CCDC180: variants seen among roughly 807,000 people sequenced by gnomAD.
The protein encoded by CCDC180 is coiled-coil domain-containing protein 180.
Under a neutral mutation model 209.2 loss-of-function variants are expected in CCDC180, and 154 were observed. That is an observed-to-expected ratio of 0.74 (90% CI 0.65 to 0.84). CCDC180 has a LOEUF of 0.84. Ranked by LOEUF, CCDC180 falls within the 40% of genes least tolerant of loss-of-function variation. The pLI, the probability that CCDC180 is intolerant of heterozygous loss-of-function variation, is 0.00. For synonymous variants in CCDC180, 778 were observed against 749.1 expected (o/e 1.04, Z -0.63); for missense variants, 1,874 against 1,997.3 (o/e 0.94, Z 1.18).
Position 97,339,745 on chromosome 9 carries a change from A to C in CCDC180, c.2275-3595A>C, listed in dbSNP as rs145046090. On this transcript the variant is annotated intron_variant, in intron 18 of 36. Transcript: ENST00000529487. ...GGAAGTTCTCCTGGATAATATCCTG[A>C]AGAGTGTTTTCCAGCTTGGTTCCAT... 2.6e-3 allele frequency among the ~76,000 whole-genome samples: 390 copies of C among 152,292 alleles called. 1 individual carries two copies. The highest frequency in any genetic ancestry group is 8.8e-3 in the African/African-American group (365 of 41,562).
At chr9:97,315,177 C>A (rs1833125428) in intron 8 of CCDC180, among the ~76,000 whole-genome samples, 1 of 152,114 alleles carries the variant, frequency 6.6e-6, no homozygotes, top group Non-Finnish European at 1.5e-5. Context: ...TTCATATTTC[C>A]CTGACATCTT....
intron 24 of CCDC180, among the ~76,000 whole-genome samples, chr9:97,357,163 C>T (rs1354115150): frequency 6.6e-6 from 1 of 152,236 alleles, no homozygotes; most frequent in Non-Finnish European, 1.5e-5. Context: ...AAGCCACAGT[C>T]CTGGGTCAGA....
In CCDC180 at chr9:97,360,021, T is replaced by C. The variant is rs1826704655; in HGVS notation, c.3403T>C (p.Trp1135Arg). Reference protein sequence around the residue: ...TEELLSFVQTWKEKLSQRIQY... With the variant: ...TEELLSFVQTRKEKLSQRIQY... ...AGAACTCCTCAGCTTCGTCCAAACTTGGAAGGAAAAACTGAGCCAGAGGAT... is the reference window on the plus strand; with the variant it reads ...AGAACTCCTCAGCTTCGTCCAAACTCGGAAGGAAAAACTGAGCCAGAGGAT... The change falls in exon 26 of 37, where the codon TGG becomes CGG. Residue 1135 changes from tryptophan to arginine, a missense_variant. Trp to Arg is a moderately radical substitution (Grantham distance 101). Transcript: ENST00000529487. The C allele has an allele frequency of 1.2e-6, 2 of 1,613,670 alleles. No homozygotes were observed. The highest frequency in any genetic ancestry group is 3.3e-5 in the Admixed American group (2 of 59,964).
In CCDC180 at chr9:97,312,152, T is replaced by C; in HGVS notation, c.300T>C (p.Ser100=). 1 of 1,613,818 alleles carries C rather than the reference T, an allele frequency of 6.2e-7. No homozygotes were observed. The highest frequency in any genetic ancestry group is 1.1e-5 in the South Asian group (1 of 91,044). The change falls in exon 4 of 37, where the codon AGT becomes AGC. Residue 100 remains serine, a synonymous_variant. Transcript: ENST00000529487. ...CCAAGAGGGAAAAAGCCCGAGAGAGTGAGAACACCATCGCTGCCCGAGAAG... is the reference window on the plus strand; with the variant it reads ...CCAAGAGGGAAAAAGCCCGAGAGAGCGAGAACACCATCGCTGCCCGAGAAG... ...ERAKREKARE[S]ENTIAAREVR...
chr9:97,375,650 A>G (rs1827233747), intron 36 of CCDC180, 61 bp downstream of exon 36: 1 of 1,605,214 alleles, frequency 6.2e-7, no homozygotes, highest in Non-Finnish European at 8.5e-7. Flanking sequence ...TGCCTTGGGA[A>G]GGGGGAGCTT....
At chr9:97,312,034 C>T in intron 3 of CCDC180, 79 bp from the exon 4 acceptor site, 1 of 1,227,502 alleles carries the variant, frequency 8.1e-7, no homozygotes. Context: ...GAGAACCACC[C>T]CTTGGTGCCC....
chr9:97,324,357 T>C (rs1480302909), intron 13 of CCDC180, among the ~76,000 whole-genome samples: 1 of 152,198 alleles, frequency 6.6e-6, no homozygotes, highest in Non-Finnish European at 1.5e-5. Flanking sequence ...CAGAAACAAA[T>C]GGCATGGCTG....
At chr9:97,333,199 C>T (rs1564157687) in intron 18 of CCDC180, among the ~76,000 whole-genome samples, 1 of 152,182 alleles carries the variant, frequency 6.6e-6, no homozygotes. Flanking sequence ...ACCAACCTTG[C>T]ATCCCAGGGA....
rs1826353430 is a variant in CCDC180, at chr9:97,349,152, G to C, written c.2716G>C (p.Ala906Pro). 4.6e-6 allele frequency: 7 copies of C among 1,536,282 alleles called. No homozygotes were observed. Among genetic ancestry groups the C allele is most frequent in the Non-Finnish European group, 6.1e-6 (7 of 1,146,948 alleles). Residue 906 changes from alanine to proline, a missense_variant, in exon 21 of 37, where the codon GCT (alanine) becomes CCT (proline). Coordinates refer to ENST00000529487, the MANE Select transcript of CCDC180 (RefSeq NM_020893.6). The stretch of plus-strand genomic sequence containing the variant: ...TCAAGAGCAGTTGGACAGCCACTGT[G>C]CTGGGGTGACCGAGACGCTGAAGAA... ...LHQEQLDSHC[A>P]GVTETLKKKR... is the part of the protein sequence containing the mutation.
At chr9:97,350,317 T>A in intron 21 of CCDC180, 92 bp from the exon 22 acceptor site, 1 of 1,270,674 alleles carries the variant, frequency 7.9e-7, no homozygotes, top group Non-Finnish European at 1.1e-6. Context: ...CCCTCCCTTG[T>A]CCCTCAGGCT....
chr9:97,323,593 C>T (rs1204196974), intron 12 of CCDC180, among the ~76,000 whole-genome samples, 188 bp from the exon 13 acceptor site: 2 of 152,190 alleles, frequency 1.3e-5, no homozygotes, highest in African/African-American at 4.8e-5. Flanking sequence ...CCGAGAGCTC[C>T]TGCATGCCTC....
Position 97,349,269 on chromosome 9 carries a change from T to C in CCDC180, c.2833T>C (p.Leu945=), listed in dbSNP as rs1826357899. The C allele has an allele frequency of 6.5e-7, 1 of 1,536,636 alleles. No homozygotes were observed. Among genetic ancestry groups the C allele is most frequent in the Non-Finnish European group, 8.7e-7 (1 of 1,147,002 alleles). Residue 945 remains leucine (L), a synonymous_variant, in exon 21 of 37, where the codon TTG becomes CTG. Transcript: ENST00000529487. Reference sequence around the variant, plus strand: ...GATCTATGACATGGAGCACATCTTCTTGAATGCCACCAGGAGCCAAAAGTA... The same window carrying C: ...GATCTATGACATGGAGCACATCTTCCTGAATGCCACCAGGAGCCAAAAGTA... The part of the protein sequence containing the change: ...LKIYDMEHIF[L]NATRSQKLVT...
chr9:97,343,289 C>A, intron 18 of CCDC180, 51 bp from the exon 19 acceptor site: 1 of 1,270,370 alleles, frequency 7.9e-7, no homozygotes, highest in Non-Finnish European at 1.1e-6. Context: ...GTTGGCATTC[C>A]CAAGTCCATT....
intron 22 of CCDC180, 90 bp from the exon 23 acceptor site, chr9:97,354,479 A>G (rs1337231633): frequency 2.2e-6 from 3 of 1,335,904 alleles, no homozygotes; most frequent in Non-Finnish European, 3.2e-6. Context: ...GGAAGCCTAG[A>G]TTAAAAGTGT....
chr9:97,369,769 C>T, intron 31 of CCDC180, 153 bp from the exon 32 acceptor site: 1 of 743,998 alleles, frequency 1.3e-6, no homozygotes, highest in Non-Finnish European at 2.2e-6. Flanking sequence ...CTGGTTTGAC[C>T]TCAGGACCTC....
chr9:97,343,342 A>G lies in CCDC180; in HGVS notation c.2277A>G (p.Glu759=), dbSNP rs567792738. The G allele has an allele frequency of 9.9e-5, 159 of 1,599,272 alleles. No homozygotes were observed. The South Asian group carries it at 1.2e-3, about 12-fold the overall frequency. ...CTTTAGTGTTATTGCCTGCTTAGGA[A>G]GAAGACAAGGAAGAGGGTCTAGAGG... ...EEQESLSVGE[E]EDKEEGLEEI... The change falls in exon 19 of 37, where the codon GAA becomes GAG. Residue 759 remains glutamate, a splice_region_variant and synonymous_variant. Coordinates refer to ENST00000529487, the MANE Select transcript of CCDC180 (RefSeq NM_020893.6).
At chr9:97,334,361 C>A (rs554141201) in intron 18 of CCDC180, among the ~76,000 whole-genome samples, 3 of 152,180 alleles carry the variant, frequency 2.0e-5, no homozygotes, top group Non-Finnish European at 4.4e-5. Context: ...ATGATTTAAT[C>A]TGCATGACTA....
chr9:97,364,063 C>G lies in CCDC180; in HGVS notation c.3915C>G (p.His1305Gln). 6.2e-7 allele frequency: 1 copy of G among 1,614,124 alleles called. No homozygotes were observed. Among genetic ancestry groups the G allele is most frequent in the Non-Finnish European group, 8.5e-7 (1 of 1,180,016 alleles). ...CTTTGTCCCACAGCTTCACACCGCA[C>G]CCCAAGCCCAACAAAATGGAGAGAA... ...SATSAGSFTP[H>Q]PKPNKMERKY... The change falls in exon 29 of 37, where the codon CAC becomes CAG. Residue 1305 changes from histidine to glutamine, a missense_variant. His to Gln is a conservative substitution (Grantham distance 24). Coordinates refer to ENST00000529487, the MANE Select transcript of CCDC180 (RefSeq NM_020893.6).
intron 14 of CCDC180, 64 bp from the exon 15 acceptor site, chr9:97,326,490 C>A: frequency 1.1e-6 from 1 of 949,432 alleles, no homozygotes; most frequent in South Asian, 1.3e-5. Flanking sequence ...CCCTGCAGGT[C>A]ACTTACACTC....
Sources: allele counts gnomAD v4.1 joint callset (sites outside exome capture counted in the v4.1 genomes callset), GRCh38; gene constraint gnomAD v4.1.1; transcripts MANE v1.5; gene names NCBI Gene and HGNC (gene_info 2026-07-23, HGNC 2026-07-21).